NRG3: variants seen among roughly 807,000 people sequenced by gnomAD.
The protein encoded by NRG3 is pro-neuregulin-3, membrane-bound isoform.
Under a neutral mutation model 66.9 loss-of-function variants are expected in NRG3, and 31 were observed. The observed-to-expected ratio is 0.46, with a 90% CI of 0.35 to 0.63. NRG3 has a LOEUF of 0.63. Ranked by LOEUF, NRG3 falls within the 20% of genes least tolerant of loss-of-function variation. The pLI, the probability that NRG3 is intolerant of heterozygous loss-of-function variation, is 0.00. For synonymous variants in NRG3, 393 were observed against 359.4 expected (o/e 1.09, Z -1.06); for missense variants, 910 against 878.9 (o/e 1.04, Z -0.45).
At chr10:82,148,629 ATC>A (rs1210502923) in intron 1 of NRG3, among the ~76,000 whole-genome samples, 2 of 152,064 alleles carry the variant, frequency 1.3e-5, no homozygotes, top group African/African-American at 4.8e-5. Context: ...TGGCTGTGGA[ATC>A]TCTGATTTGG....
At chr10:82,136,089 C>T (rs1005162995) in intron 1 of NRG3, among the ~76,000 whole-genome samples, 2 of 152,198 alleles carry the variant, frequency 1.3e-5, no homozygotes, top group Non-Finnish European at 2.9e-5. Context: ...GTAACACTGA[C>T]TTGCAGATTC....
At chr10:82,763,153 A>G (rs1027443730) in intron 3 of NRG3, among the ~76,000 whole-genome samples, 4 of 152,198 alleles carry the variant, frequency 2.6e-5, no homozygotes, top group Non-Finnish European at 4.4e-5. Context: ...TTTCATGTAG[A>G]AAGAATGAAT....
At chr10:82,267,374 A>G (rs950244922) in intron 1 of NRG3, among the ~76,000 whole-genome samples, 1 of 152,232 alleles carries the variant, frequency 6.6e-6, no homozygotes, top group Admixed American at 6.5e-5. Context: ...ACACACAGGC[A>G]TCCCATCCTT....
intron 3 of NRG3, among the ~76,000 whole-genome samples, chr10:82,759,224 T>C (rs2059205435): frequency 6.6e-6 from 1 of 152,256 alleles, no homozygotes; most frequent in South Asian, 2.1e-4. Flanking sequence ...GCAATCTGTT[T>C]GCATATGCCT....
At position 82,223,321 on chromosome 10, in the gene NRG3, A is replaced by C. The variant is rs186771261; in HGVS notation, c.824-135418A>C. On this transcript the variant is annotated intron_variant, in intron 1 of 8. Coordinates refer to ENST00000372141, the MANE Select transcript of NRG3 (RefSeq NM_001010848.4). ...GTGTGTGTGTTACTTTGAATGTATC[A>C]GAGTACTTAATTTCTCAAAAAAACA... Among the ~76,000 whole-genome samples the C allele has an allele frequency of 2.5e-3, 378 of 152,238 alleles. 1 individual carries two copies. Among genetic ancestry groups the C allele is most frequent in the Non-Finnish European group, 4.5e-3 (309 of 68,020 alleles).
chr10:82,235,825 G>T lies in NRG3; in HGVS notation c.824-122914G>T, dbSNP rs1395451727. Among the ~76,000 whole-genome samples, 6 of 152,182 alleles carry T rather than the reference G, an allele frequency of 3.9e-5. 1 individual carries two copies. On this transcript the variant is annotated intron_variant, in intron 1 of 8. Coordinates refer to ENST00000372141, the MANE Select transcript of NRG3 (RefSeq NM_001010848.4). ...GCTGACCTGGAAAGTTGTCCAGCGT[G>T]TGTCACTTGGTAGACGTTTTATCAT...
At chr10:82,760,643 G>T (rs2059265593) in intron 3 of NRG3, among the ~76,000 whole-genome samples, 1 of 151,896 alleles carries the variant, frequency 6.6e-6, no homozygotes, top group African/African-American at 2.4e-5. Flanking sequence ...ATATTATTCT[G>T]CATTACAGAG....
intron 1 of NRG3, among the ~76,000 whole-genome samples, chr10:82,136,792 T>G (rs1341809118): frequency 2.0e-5 from 3 of 152,128 alleles, no homozygotes; most frequent in African/African-American, 7.2e-5. Context: ...GTATAAATGC[T>G]CCCTCCGTGG....
At chr10:82,624,020 A>G (rs920288006) in intron 2 of NRG3, among the ~76,000 whole-genome samples, 3 of 152,110 alleles carry the variant, frequency 2.0e-5, no homozygotes, top group Non-Finnish European at 4.4e-5. Context: ...GCTAAATATT[A>G]TTGCTTTGAG....
At chr10:82,924,675 G>A (rs932879114) in intron 4 of NRG3, among the ~76,000 whole-genome samples, 3 of 151,802 alleles carry the variant, frequency 2.0e-5, no homozygotes, top group Non-Finnish European at 4.4e-5. Context: ...ACCTGGTAGT[G>A]TAATTAAGAT....
At chr10:82,546,649 G>C (rs1208805106) in intron 2 of NRG3, among the ~76,000 whole-genome samples, 1 of 152,094 alleles carries the variant, frequency 6.6e-6, no homozygotes, top group Non-Finnish European at 1.5e-5. Context: ...TATAACAAAA[G>C]TATTCCTAGG....
At chr10:82,718,721 C>T (rs76046304) in intron 2 of NRG3, among the ~76,000 whole-genome samples, 2,521 of 152,282 alleles carry the variant, frequency 0.017, 68 homozygotes, top group African/African-American at 0.05. Flanking sequence ...ACTTGATAAA[C>T]ATGACTTCTG....
intron 3 of NRG3, among the ~76,000 whole-genome samples, chr10:82,832,413 T>A (rs2062571371): frequency 6.6e-6 from 1 of 152,202 alleles, no homozygotes; most frequent in South Asian, 2.1e-4. Flanking sequence ...GAAAATTCAC[T>A]GTCCTCTAGG....
At chr10:82,496,770 G>A (rs1005324848) in intron 2 of NRG3, among the ~76,000 whole-genome samples, 4 of 151,900 alleles carry the variant, frequency 2.6e-5, no homozygotes, top group Admixed American at 6.6e-5. Context: ...ATACATTGCC[G>A]TGAATATTTT....
At chr10:82,865,538 A>C (rs1840631187) in intron 4 of NRG3, 101 bp downstream of exon 4, 1 of 1,206,110 alleles carries the variant, frequency 8.3e-7, no homozygotes, top group African/African-American at 1.5e-5. Flanking sequence ...GAAATGTCTC[A>C]TTATCAGATG....
chr10:82,372,741 G>A (rs1020301863), intron 2 of NRG3, among the ~76,000 whole-genome samples: 10 of 152,062 alleles, frequency 6.6e-5, no homozygotes, highest in Admixed American at 5.2e-4. Context: ...TTACAGGCAT[G>A]CACCACCATG....
At position 82,461,500 on chromosome 10, in the gene NRG3, C is replaced by T. The variant is rs145190545; in HGVS notation, c.953+102632C>T. The stretch of plus-strand genomic sequence containing the variant: ...CTGTTTCCACATTCTTATCATTGCA[C>T]ATGTCACACCCACTAACTGATTTTG... On this transcript the variant is annotated intron_variant, in intron 2 of 8. Transcript: ENST00000372141. 2.5e-3 allele frequency among the ~76,000 whole-genome samples: 387 copies of T among 152,316 alleles called. 1 individual carries two copies. The highest frequency in any genetic ancestry group is 8.9e-3 in the African/African-American group (369 of 41,568).
chr10:82,403,802 C>T (rs1290869318), intron 2 of NRG3, among the ~76,000 whole-genome samples: 1 of 152,022 alleles, frequency 6.6e-6, no homozygotes, highest in East Asian at 1.9e-4. Flanking sequence ...GCCTTCTGGG[C>T]TCATTTCTAT....
chr10:82,160,498 T>TG (rs992089501), intron 1 of NRG3, among the ~76,000 whole-genome samples: 26 of 151,968 alleles, frequency 1.7e-4, no homozygotes, highest in Non-Finnish European at 2.8e-4. Flanking sequence ...AATTTCTTTT[T>TG]TTTTGTTTTG....
Sources: gnomAD v4.1 joint callset for allele counts (sites outside exome capture counted in the v4.1 genomes callset) on GRCh38, gnomAD v4.1.1 for gene constraint, MANE v1.5 for transcripts, NCBI Gene and HGNC (gene_info 2026-07-23, HGNC 2026-07-21) for gene names.